The following LINGO2 variants were observed in gnomAD, a reference collection of about 807,000 sequenced individuals.
LINGO2 encodes leucine-rich repeat and immunoglobulin-like domain-containing nogo receptor-interacting protein 2.
Under a neutral mutation model 30.6 loss-of-function variants are expected in LINGO2, and 14 were observed. That is an observed-to-expected ratio of 0.46 (90% CI 0.30 to 0.72). The LOEUF is 0.72. LINGO2 is among the 30% of genes least tolerant of loss of function. LINGO2 has a pLI of 0.07. For missense variants in LINGO2, 729 were observed against 751.7 expected (o/e 0.97, Z 0.35); for synonymous variants, 317 against 288.5 (o/e 1.10, Z -1.00).
chr9:27,968,536 A>G (rs749014079), intron 5 of LINGO2, among the ~76,000 whole-genome samples: 2 of 152,040 alleles, frequency 1.3e-5, no homozygotes, highest in African/African-American at 2.4e-5. Context: ...GCCAAACTTT[A>G]AAGTGTTAGA....
At chr9:27,957,483 A>G (rs1056482312) in intron 5 of LINGO2, among the ~76,000 whole-genome samples, 1 of 152,060 alleles carries the variant, frequency 6.6e-6, no homozygotes, top group Non-Finnish European at 1.5e-5. Context: ...TAGTAGAGAC[A>G]GGGTTTCAAC....
intron 4 of LINGO2, among the ~76,000 whole-genome samples, chr9:28,153,650 A>G (rs1171240292): frequency 1.3e-5 from 2 of 152,190 alleles, no homozygotes; most frequent in African/African-American, 4.8e-5. Flanking sequence ...CGAGTTCGTC[A>G]ATTTTTAAAC....
chr9:28,889,315 T>C, the LINGO2 span, among the ~76,000 whole-genome samples: 1 of 152,114 alleles, frequency 6.6e-6, no homozygotes, highest in Non-Finnish European at 1.5e-5. Context: ...TTTAAATTTG[T>C]ACTTCCTGGT....
intron 4 of LINGO2, among the ~76,000 whole-genome samples, chr9:28,214,552 A>G (rs1820700360): frequency 6.6e-6 from 1 of 151,626 alleles, no homozygotes; most frequent in Non-Finnish European, 1.5e-5. Flanking sequence ...CAAAGATGGT[A>G]CTATAGGTCC....
chr9:28,532,570 T>C (rs1269613455), intron 1 of LINGO2, among the ~76,000 whole-genome samples: 1 of 152,152 alleles, frequency 6.6e-6, no homozygotes, highest in African/African-American at 2.4e-5. Context: ...TAACACTCTC[T>C]ATGTATTTAT....
intron 4 of LINGO2, among the ~76,000 whole-genome samples, chr9:28,044,345 T>G (rs1253046634): frequency 6.6e-6 from 1 of 152,194 alleles, no homozygotes; most frequent in African/African-American, 2.4e-5. Context: ...AATTTTTTAA[T>G]GAACGTATTT....
chr9:28,589,331 C>T (rs548795863), intron 1 of LINGO2, among the ~76,000 whole-genome samples: 15 of 152,030 alleles, frequency 9.9e-5, no homozygotes, highest in East Asian at 5.8e-4. Context: ...AAATAAAGGG[C>T]ATTCAATTAG....
chr9:28,354,206 T>G (rs1820055854), intron 3 of LINGO2, among the ~76,000 whole-genome samples: 1 of 152,146 alleles, frequency 6.6e-6, no homozygotes, highest in Admixed American at 6.6e-5. Context: ...TGTTAAGACA[T>G]ATATGTTTTT....
At chr9:28,498,046 T>C (rs1259802963) in intron 1 of LINGO2, among the ~76,000 whole-genome samples, 1 of 152,148 alleles carries the variant, frequency 6.6e-6, no homozygotes, top group Non-Finnish European at 1.5e-5. Flanking sequence ...TACCTGGCCA[T>C]GTGAGGTGTC....
At chr9:28,940,665 T>A in the LINGO2 span, among the ~76,000 whole-genome samples, 1 of 152,150 alleles carries the variant, frequency 6.6e-6, no homozygotes. Context: ...TGTATGTGCA[T>A]ATGTGTGAGA....
At position 27,965,406 on chromosome 9, in the gene LINGO2, G is replaced by T. The variant is rs12351902; in HGVS notation, c.-35-14700C>A. ...TAAAAAGCAGATTTTTTCCAGTAAC[G>T]CTTCCTTTTAAAAATAGAAAAAAAA... On this transcript the variant is annotated intron_variant, in intron 5 of 5. Transcript: ENST00000379992. Among the ~76,000 whole-genome samples the T allele has an allele frequency of 9.0e-3, 1,337 of 147,922 alleles. 19 individuals carry two copies. Among genetic ancestry groups the T allele is most frequent in the African/African-American group, 0.032 (1,270 of 40,000 alleles).
At chr9:28,786,763 T>C in the LINGO2 span, among the ~76,000 whole-genome samples, 14 of 152,034 alleles carry the variant, frequency 9.2e-5, no homozygotes, top group African/African-American at 3.1e-4. Flanking sequence ...CACAACTAAA[T>C]GGGTAAGAAG....
At chr9:28,435,022 T>C (rs1823867408) in intron 2 of LINGO2, among the ~76,000 whole-genome samples, 1 of 152,156 alleles carries the variant, frequency 6.6e-6, no homozygotes, top group Admixed American at 6.5e-5. Context: ...AAATTCCCTG[T>C]GAAAAGACCC....
At chr9:28,444,798 G>A (rs1363225275) in intron 2 of LINGO2, among the ~76,000 whole-genome samples, 1 of 152,168 alleles carries the variant, frequency 6.6e-6, no homozygotes, top group Non-Finnish European at 1.5e-5. Flanking sequence ...GTGTGCAGTA[G>A]TCAGACCCCA....
chr9:28,307,858 A>G (rs1034902163), intron 3 of LINGO2, among the ~76,000 whole-genome samples: 2,370 of 152,138 alleles, frequency 0.016, 70 homozygotes, highest in African/African-American at 0.055. Flanking sequence ...AAATACCTAG[A>G]AATCCAACTT....
intron 4 of LINGO2, among the ~76,000 whole-genome samples, chr9:28,020,804 G>A (rs1485832452): frequency 6.6e-6 from 1 of 152,026 alleles, no homozygotes; most frequent in African/African-American, 2.4e-5. Context: ...CTTTATCTAA[G>A]GTAACAAAAT....
At chr9:28,622,552 G>T (rs1826452007) in intron 1 of LINGO2, among the ~76,000 whole-genome samples, 1 of 151,756 alleles carries the variant, frequency 6.6e-6, no homozygotes, top group Non-Finnish European at 1.5e-5. Context: ...ACTGAATAGT[G>T]CTCCATTGTG....
chr9:28,433,458 A>C (rs1041323430), intron 2 of LINGO2, among the ~76,000 whole-genome samples: 11 of 152,190 alleles, frequency 7.2e-5, no homozygotes, highest in Non-Finnish European at 1.5e-4. Context: ...CATGCAAACC[A>C]GAAAGAGATG....
chr9:28,447,416 AC>A (rs1824467673), intron 2 of LINGO2, among the ~76,000 whole-genome samples: 1 of 152,220 alleles, frequency 6.6e-6, no homozygotes, highest in Non-Finnish European at 1.5e-5. Flanking sequence ...GTGAGCCATC[AC>A]CAGACATGGA....
Sources: allele counts gnomAD v4.1 joint callset (sites outside exome capture counted in the v4.1 genomes callset), GRCh38; gene constraint gnomAD v4.1.1; transcripts MANE v1.5; gene names NCBI Gene and HGNC (gene_info 2026-07-23, HGNC 2026-07-21).